SLC4A4: variants seen among roughly 807,000 people sequenced by gnomAD.
SLC4A4 encodes the protein solute carrier family 4 member 4.
A neutral mutation model predicts 111.5 loss-of-function variants in SLC4A4; 27 were observed. The observed-to-expected ratio is 0.24, with a 90% confidence interval of 0.18 to 0.33. The LOEUF (loss-of-function observed/expected upper bound fraction) is 0.33, where lower values mean the gene tolerates loss of function less well. Ranked by LOEUF, SLC4A4 falls within the 10% of genes least tolerant of loss-of-function variation. The probability of loss-of-function intolerance (pLI) is 1.00; values close to 1 mark genes in which losing one functional copy is unlikely to be tolerated. For missense variants in SLC4A4, 909 were observed against 1,315.5 expected (o/e 0.69, Z 4.78); for synonymous variants, 443 against 463.4 (o/e 0.96, Z 0.57).
intron 1 of SLC4A4, among the ~76,000 whole-genome samples, chr4:71,195,201 A>G (rs1433525161): frequency 7.2e-5 from 9 of 125,768 alleles, no homozygotes; most frequent in African/African-American, 2.7e-4. Flanking sequence ...CCAAAGACTG[A>G]TGTTCTTTTC....
intron 2 of SLC4A4, among the ~76,000 whole-genome samples, chr4:71,116,463 T>C (rs1255384187): frequency 1.3e-5 from 2 of 152,234 alleles, no homozygotes; most frequent in Non-Finnish European, 2.9e-5. Context: ...CACACAATGC[T>C]TAAATTTTGG....
intron 2 of SLC4A4, among the ~76,000 whole-genome samples, chr4:71,095,700 T>G (rs545077164): frequency 6.6e-6 from 1 of 152,312 alleles, no homozygotes; most frequent in African/African-American, 2.4e-5. Flanking sequence ...AAGAAGGGTA[T>G]GGCTCCTACT....
At chr4:71,135,695 C>T (rs113955282) in intron 2 of SLC4A4, among the ~76,000 whole-genome samples, 3,188 of 152,232 alleles carry the variant, frequency 0.021, 121 homozygotes, top group African/African-American at 0.074. Context: ...TTTCTCCTAA[C>T]TGAAATTTTG....
At chr4:71,169,795 A>G (rs1301462176) in intron 2 of SLC4A4, among the ~76,000 whole-genome samples, 4 of 152,146 alleles carry the variant, frequency 2.6e-5, no homozygotes, top group Admixed American at 6.5e-5. Flanking sequence ...CTAAGAATGA[A>G]CTTCCCGGAT....
At chr4:71,557,633 A>T in intron 21 of SLC4A4, 79 bp from the exon 22 acceptor site, 1 of 1,383,684 alleles carries the variant, frequency 7.2e-7, no homozygotes. Flanking sequence ...TATAGAATAT[A>T]AATCAGTAGT....
intron 7 of SLC4A4, among the ~76,000 whole-genome samples, chr4:71,436,174 A>G (rs1205815197): frequency 2.0e-5 from 3 of 152,214 alleles, no homozygotes; most frequent in Admixed American, 1.3e-4. Flanking sequence ...CCTATAAATG[A>G]TAGACTGGAT....
intron 6 of SLC4A4, among the ~76,000 whole-genome samples, chr4:71,375,411 G>A (rs1235427856): frequency 2.6e-5 from 4 of 152,092 alleles, no homozygotes; most frequent in Non-Finnish European, 4.4e-5. Context: ...GAATTTGCTG[G>A]ACGCTTAGTG....
chr4:71,567,124 A>G, intron 25 of SLC4A4, 41 bp downstream of exon 25: 2 of 1,468,106 alleles, frequency 1.4e-6, no homozygotes, highest in Non-Finnish European at 9.5e-7. Context: ...CTGTGGGATA[A>G]TTGCCCCACA....
intron 5 of SLC4A4, among the ~76,000 whole-genome samples, chr4:71,354,515 T>C (rs943708668): frequency 2.6e-5 from 4 of 152,114 alleles, no homozygotes; most frequent in African/African-American, 9.7e-5. Flanking sequence ...ATCATGGGGG[T>C]TGATTCAATA....
At chr4:71,413,238 C>T (rs1328500237) in intron 7 of SLC4A4, among the ~76,000 whole-genome samples, 2 of 152,188 alleles carry the variant, frequency 1.3e-5, no homozygotes, top group East Asian at 3.8e-4. Flanking sequence ...TATAGCTATA[C>T]AGCTGCCTGT....
intron 2 of SLC4A4, among the ~76,000 whole-genome samples, chr4:71,106,780 G>A (rs1326993563): frequency 3.0e-5 from 2 of 65,714 alleles, no homozygotes; most frequent in East Asian, 1.0e-3. Flanking sequence ...TTGTGGGGTG[G>A]GGGGAGGGGG....
intron 6 of SLC4A4, among the ~76,000 whole-genome samples, chr4:71,390,122 C>T (rs1001216896): frequency 2.6e-5 from 4 of 151,534 alleles, no homozygotes; most frequent in South Asian, 2.1e-4. Context: ...TTTTTTTTCA[C>T]GGGATGGGGA....
intron 1 of SLC4A4, among the ~76,000 whole-genome samples, chr4:71,232,360 TTTC>T (rs1719490887): frequency 6.6e-6 from 1 of 152,166 alleles, no homozygotes; most frequent in East Asian, 1.9e-4. Context: ...TTTCTGAACT[TTTC>T]TACTATCCCC....
At chr4:71,435,712 AG>A (rs1219362271) in intron 7 of SLC4A4, among the ~76,000 whole-genome samples, 1 of 152,186 alleles carries the variant, frequency 6.6e-6, no homozygotes, top group East Asian at 1.9e-4. Context: ...CAAATTTACA[AG>A]AAAAAAACAA....
At chr4:71,277,881 T>C (rs1053237695) in intron 3 of SLC4A4, among the ~76,000 whole-genome samples, 3 of 152,190 alleles carry the variant, frequency 2.0e-5, no homozygotes, top group Non-Finnish European at 4.4e-5. Context: ...ACATATATGT[T>C]GATAAAGGAT....
chr4:71,398,708 G>A (rs2148980960), intron 7 of SLC4A4, among the ~76,000 whole-genome samples: 1 of 152,250 alleles, frequency 6.6e-6, no homozygotes, highest in East Asian at 1.9e-4. Context: ...AAGAAAATCT[G>A]GTCTTGCTAC....
intron 3 of SLC4A4, among the ~76,000 whole-genome samples, chr4:71,270,235 C>T (rs1220933031): frequency 2.6e-5 from 4 of 152,126 alleles, no homozygotes; most frequent in African/African-American, 9.7e-5. Flanking sequence ...TTACAGGCAC[C>T]TGCCACCATG....
chr4:71,519,396 C>A (rs1031451), intron 16 of SLC4A4, among the ~76,000 whole-genome samples: 63,278 of 151,950 alleles, frequency 0.42, 16,010 homozygotes, highest in African/African-American at 0.67. Flanking sequence ...CAATGTAAAA[C>A]TAGAATAATG....
At chr4:71,185,032 C>A (rs1745407548), upstream of SLC4A4, among the ~76,000 whole-genome samples, 1 of 152,162 alleles carries the variant, frequency 6.6e-6, no homozygotes, top group Non-Finnish European at 1.5e-5. Context: ...CCCCACAAAC[C>A]AACTTTATGC....
Sources: gnomAD v4.1 joint callset for allele counts (sites outside exome capture counted in the v4.1 genomes callset) on GRCh38, gnomAD v4.1.1 for gene constraint, MANE v1.5 for transcripts, NCBI Gene and HGNC (gene_info 2026-07-23, HGNC 2026-07-21) for gene names.